Variants in NHSL1 observed in about 807,000 individuals in gnomAD.
NHSL1 encodes NHS like 1, also known as NHS-like protein 1.
NHSL1 carries 48 observed loss-of-function variants against 95.0 expected under a neutral mutation model. That is an observed-to-expected ratio of 0.51 (90% CI 0.40 to 0.64). The LOEUF (loss-of-function observed/expected upper bound fraction) is 0.64. NHSL1 is among the 30% of genes least tolerant of loss of function. NHSL1 has a pLI of 0.00. For missense variants in NHSL1, 1,971 were observed against 2,077.7 expected, an observed-to-expected ratio of 0.95 and a Z score of 1.00; for synonymous variants, 783 against 833.9, an observed-to-expected ratio of 0.94 and a Z score of 1.05.
At chr6:138,636,951 A>G (rs1271753344) in intron 1 of NHSL1, among the ~76,000 whole-genome samples, 1 of 152,160 alleles carries the variant, frequency 6.6e-6, no homozygotes, top group Non-Finnish European at 1.5e-5. Flanking sequence ...CCAGAATAGC[A>G]AAATCTATCC....
chr6:138,570,534 G>A lies in NHSL1; in HGVS notation c.202+1176C>T, dbSNP rs571913978. On this transcript the variant is annotated intron_variant, in intron 1 of 6. Transcript: ENST00000427025. ...GTGGCTCATTGTTGATCACCTTGTT[G>A]ATACAATAAACAACTGATATCTTCA... Among the ~76,000 whole-genome samples the A allele has an allele frequency of 4.6e-5, 7 of 152,262 alleles. No homozygotes were observed. The South Asian group carries it at 1.5e-3, about 32-fold the overall frequency.
intron 1 of NHSL1, among the ~76,000 whole-genome samples, chr6:138,685,960 A>G (rs1282308914): frequency 6.6e-6 from 1 of 152,180 alleles, no homozygotes; most frequent in Non-Finnish European, 1.5e-5. Context: ...TTCATATAGT[A>G]TTATCAAATA....
At chr6:138,518,476 A>ATTT (rs79456955) in intron 1 of NHSL1, among the ~76,000 whole-genome samples, 11 of 137,050 alleles carry the variant, frequency 8.0e-5, no homozygotes, top group African/African-American at 1.4e-4. Flanking sequence ...CACAGGAATG[A>ATTT]TTTTTTTTTT....
intron 1 of NHSL1, among the ~76,000 whole-genome samples, chr6:138,612,880 G>A (rs1784532664): frequency 6.6e-6 from 1 of 152,126 alleles, no homozygotes; most frequent in African/African-American, 2.4e-5. Context: ...TTTGATGGAG[G>A]AACACTATCT....
intron 2 of NHSL1, among the ~76,000 whole-genome samples, chr6:138,491,269 G>C (rs1013852590): frequency 6.6e-6 from 1 of 152,150 alleles, no homozygotes; most frequent in Non-Finnish European, 1.5e-5. Context: ...TAACTAAAGT[G>C]CCTGTTAAAC....
intron 1 of NHSL1, among the ~76,000 whole-genome samples, chr6:138,507,084 T>C (rs1450902972): frequency 2.6e-5 from 4 of 152,194 alleles, no homozygotes; most frequent in Admixed American, 2.6e-4. Context: ...TTGTCAGTTT[T>C]AACTCCCTAC....
intron 1 of NHSL1, among the ~76,000 whole-genome samples, chr6:138,659,646 T>C (rs996888026): frequency 2.6e-5 from 4 of 152,058 alleles, no homozygotes; most frequent in Admixed American, 2.6e-4. Flanking sequence ...ATTACATTAA[T>C]TGAATATAAT....
At chr6:138,608,450 T>TG (rs1784463845) in intron 1 of NHSL1, among the ~76,000 whole-genome samples, 1 of 152,202 alleles carries the variant, frequency 6.6e-6, no homozygotes, top group African/African-American at 2.4e-5. Flanking sequence ...AGATAAAAAA[T>TG]GGAGTTGAAA....
intron 1 of NHSL1, among the ~76,000 whole-genome samples, chr6:138,565,185 C>T (rs1168916135): frequency 6.6e-6 from 1 of 151,298 alleles, no homozygotes; most frequent in Admixed American, 6.6e-5. Context: ...CGGCTCACTG[C>T]AACCTCCGCC....
At chr6:138,593,175 T>C (rs1372090356) in intron 1 of NHSL1, among the ~76,000 whole-genome samples, 2 of 152,234 alleles carry the variant, frequency 1.3e-5, no homozygotes, top group Non-Finnish European at 2.9e-5. Context: ...ATAATTCACA[T>C]GTCCTATTAA....
chr6:138,565,380 T>C lies in NHSL1; in HGVS notation c.202+6330A>G, dbSNP rs1334793335. Among the ~76,000 whole-genome samples, 3 of 152,112 alleles carry C rather than the reference T, an allele frequency of 2.0e-5. No individual in the cohort carries two copies. The East Asian group carries it at 5.8e-4, about 29-fold the overall frequency. On this transcript the variant is annotated intron_variant, in intron 1 of 6. Transcript: ENST00000427025. ...CCTCGGCCTCCCCAGGTGCTGGGAT[T>C]ATAGGCTTGAGCCACTGGTCCCAGC... is the stretch of plus-strand genomic sequence containing the variant.
intron 1 of NHSL1, among the ~76,000 whole-genome samples, chr6:138,584,965 G>A (rs1784111609): frequency 6.6e-6 from 1 of 152,162 alleles, no homozygotes; most frequent in African/African-American, 2.4e-5. Context: ...AAGGACCACA[G>A]GGCCTTAACA....
chr6:138,647,512 A>T (rs1391336661), intron 1 of NHSL1, among the ~76,000 whole-genome samples: 1 of 152,176 alleles, frequency 6.6e-6, no homozygotes, highest in East Asian at 1.9e-4. Context: ...CAGTCAACCT[A>T]CAGAGGCATT....
At chr6:138,613,094 G>A (rs563249783) in intron 1 of NHSL1, among the ~76,000 whole-genome samples, 26 of 152,302 alleles carry the variant, frequency 1.7e-4, no homozygotes, top group African/African-American at 6.0e-4. Flanking sequence ...GCTGATTCTG[G>A]AGTGGAAATA....
At chr6:138,555,700 C>T (rs568091037) in intron 1 of NHSL1, among the ~76,000 whole-genome samples, 82 of 152,306 alleles carry the variant, frequency 5.4e-4, no homozygotes, top group South Asian at 1.5e-3. Flanking sequence ...TTCTGCATAT[C>T]TGCTTAGAAA....
At chr6:138,549,884 C>T (rs199580922), upstream of NHSL1, among the ~76,000 whole-genome samples, 5 of 152,064 alleles carry the variant, frequency 3.3e-5, no homozygotes, top group Non-Finnish European at 7.3e-5. Context: ...GCATTAACCT[C>T]GAGCAATGAC....
chr6:138,605,747 AGTTTCTACACT>A (rs1309080447), intron 1 of NHSL1, among the ~76,000 whole-genome samples: 1 of 152,216 alleles, frequency 6.6e-6, no homozygotes, highest in East Asian at 1.9e-4. Flanking sequence ...GATTAAGGTA[AGTTTCTACACT>A]GTTAAGAATC....
At chr6:138,682,254 A>G (rs1785522743) in intron 1 of NHSL1, among the ~76,000 whole-genome samples, 2 of 152,248 alleles carry the variant, frequency 1.3e-5, no homozygotes, top group East Asian at 3.8e-4. Flanking sequence ...GTGAAAATAA[A>G]ACAGAAGAAA....
upstream of NHSL1, among the ~76,000 whole-genome samples, chr6:138,547,351 G>A (rs1244831530): frequency 6.6e-6 from 1 of 151,756 alleles, no homozygotes; most frequent in Non-Finnish European, 1.5e-5. Context: ...AAACTGCATG[G>A]GGAATGATGA....
Sources: gnomAD v4.1 joint callset for allele counts (sites outside exome capture counted in the v4.1 genomes callset) on GRCh38, gnomAD v4.1.1 for gene constraint, MANE v1.5 for transcripts, NCBI Gene and HGNC (gene_info 2026-07-23, HGNC 2026-07-21) for gene names.